The following BMP2K variants were observed in gnomAD, a reference collection of about 807,000 sequenced individuals.
BMP2K encodes the protein BMP2 inducible kinase.
In BMP2K, 74 loss-of-function variants were observed where a neutral mutation model predicts 116.0. The observed-to-expected ratio is 0.64, with a 90% CI of 0.53 to 0.77. The LOEUF (loss-of-function observed/expected upper bound fraction) is 0.77. Among genes scored for constraint, BMP2K ranks in the 30% least tolerant of loss-of-function variants. The probability of loss-of-function intolerance (pLI) is 0.00; values close to 1 mark genes in which losing one functional copy is unlikely to be tolerated. For synonymous variants in BMP2K, 486 were observed against 502.5 expected (o/e 0.97, Z 0.44); for missense variants, 1,365 against 1,403.6 (o/e 0.97, Z 0.44).
At chr4:78,796,079 G>A (rs1309253488) in intron 1 of BMP2K, among the ~76,000 whole-genome samples, 1 of 152,010 alleles carries the variant, frequency 6.6e-6, no homozygotes, top group Non-Finnish European at 1.5e-5. Context: ...CTGCTATAAA[G>A]ACACATGCAC....
At chr4:78,798,559 G>T (rs1003261295) in intron 1 of BMP2K, among the ~76,000 whole-genome samples, 1 of 152,124 alleles carries the variant, frequency 6.6e-6, no homozygotes, top group Non-Finnish European at 1.5e-5. Context: ...GACTGTTAAC[G>T]GTAGTCTTCC....
At chr4:78,854,671 C>G (rs74389148) in intron 7 of BMP2K, among the ~76,000 whole-genome samples, 1 of 152,048 alleles carries the variant, frequency 6.6e-6, no homozygotes, top group Non-Finnish European at 1.5e-5. Flanking sequence ...ACGTGTGAGC[C>G]ACTGTGACTG....
At chr4:78,779,943 TCTGTACTAAGCAGATCCCAG>T (rs1456624014) in intron 1 of BMP2K, among the ~76,000 whole-genome samples, 2 of 151,828 alleles carry the variant, frequency 1.3e-5, no homozygotes, top group Non-Finnish European at 2.9e-5. Context: ...TGTTTAGGAG[TCTGTACTAAGCAGATCCCAG>T]CTTTGGTCTG....
intron 1 of BMP2K, among the ~76,000 whole-genome samples, chr4:78,787,259 T>C (rs1297650738): frequency 1.3e-5 from 2 of 152,236 alleles, no homozygotes; most frequent in Non-Finnish European, 2.9e-5. Context: ...GTTCTGTCCA[T>C]TTTAAAATAA....
At chr4:78,856,094 A>G (rs1459837101) in intron 7 of BMP2K, among the ~76,000 whole-genome samples, 2 of 152,218 alleles carry the variant, frequency 1.3e-5, no homozygotes, top group Non-Finnish European at 2.9e-5. Flanking sequence ...GTCATGAAGT[A>G]GCAATTAATA....
At chr4:78,787,380 A>G (rs555912924) in intron 1 of BMP2K, among the ~76,000 whole-genome samples, 25 of 152,142 alleles carry the variant, frequency 1.6e-4, no homozygotes, top group Non-Finnish European at 2.8e-4. Flanking sequence ...TGTTATGGTT[A>G]TATGTATAGT....
intron 1 of BMP2K, among the ~76,000 whole-genome samples, chr4:78,808,894 G>A (rs1444685221): frequency 1.3e-5 from 2 of 152,112 alleles, no homozygotes; most frequent in Admixed American, 6.6e-5. Context: ...CCTGGAGAAC[G>A]TTCTGTGTGG....
At chr4:78,834,928 C>G (rs896954699) in intron 3 of BMP2K, among the ~76,000 whole-genome samples, 2 of 152,182 alleles carry the variant, frequency 1.3e-5, no homozygotes, top group Non-Finnish European at 2.9e-5. Flanking sequence ...CTTATCTTCT[C>G]TACTATAAAG....
In BMP2K at chr4:78,870,835, TCAGCAGCCGCCACAG is replaced by T; in HGVS notation, c.1290_1304del (p.Gln430_Gln434del). ...AAATTTTATTGGGTCAGGGACCTCC[TCAGCAGCCGCCACAG>T]CAGCATAGAGTACTCCAGCAACTAC... On this transcript the variant is annotated inframe_deletion, in exon 11 of 16. Coordinates refer to ENST00000502613, the MANE Select transcript of BMP2K (RefSeq NM_198892.2). 1 of 1,614,052 alleles carries T rather than the reference TCAGCAGCCGCCACAG, an allele frequency of 6.2e-7. No homozygotes were observed. Among genetic ancestry groups the T allele is most frequent in the South Asian group, 1.1e-5 (1 of 91,068 alleles).
At chr4:78,871,767 CATT>C in intron 11 of BMP2K, 80 bp from the exon 12 acceptor site, 1 of 811,790 alleles carries the variant, frequency 1.2e-6, no homozygotes, top group Non-Finnish European at 2.0e-6. Flanking sequence ...TTTCTCAAAT[CATT>C]ATGGTAAGAT....
intron 1 of BMP2K, among the ~76,000 whole-genome samples, chr4:78,796,531 TATA>T (rs1432446394): frequency 6.6e-6 from 1 of 152,022 alleles, no homozygotes; most frequent in South Asian, 2.1e-4. Flanking sequence ...AAACTTAAAG[TATA>T]ATAATAAAAA....
intron 1 of BMP2K, among the ~76,000 whole-genome samples, 175 bp from the exon 2 acceptor site, chr4:78,825,862 G>A (rs1474026283): frequency 6.6e-6 from 1 of 152,210 alleles, no homozygotes; most frequent in Non-Finnish European, 1.5e-5. Context: ...ACTACTTCAT[G>A]ATTGACTTAG....
intron 7 of BMP2K, among the ~76,000 whole-genome samples, chr4:78,858,472 A>G (rs565379475): frequency 7.2e-5 from 11 of 152,100 alleles, no homozygotes; most frequent in African/African-American, 2.6e-4. Flanking sequence ...AAATCAAGTT[A>G]CATGCAGAGT....
chr4:78,893,005 T>C (rs1733522392), intron 15 of BMP2K, among the ~76,000 whole-genome samples: 1 of 152,210 alleles, frequency 6.6e-6, no homozygotes, highest in South Asian at 2.1e-4. Flanking sequence ...GCAAAATCAG[T>C]GGACTCTTCA....
Position 78,864,558 on chromosome 4 carries a change from G to GT in BMP2K, c.1068-988dup, listed in dbSNP as rs11352627. 9.3e-4 allele frequency among the ~76,000 whole-genome samples: 134 copies of GT among 144,652 alleles called. 1 individual carries two copies. The highest frequency in any genetic ancestry group is 3.8e-3 in the East Asian group (19 of 5,018). 94.9% of individuals were successfully genotyped at this position (144,652 alleles called of 152,430 possible). ...CTAAGATCTTTTGATTCAGTGTCAC[G>GT]TTTTTTTTTTTGGTACCTCTTGGAA... On this transcript the variant is annotated intron_variant, in intron 9 of 15. Coordinates refer to ENST00000502613, the MANE Select transcript of BMP2K (RefSeq NM_198892.2).
At chr4:78,839,132 T>C (rs889328479) in intron 3 of BMP2K, among the ~76,000 whole-genome samples, 4 of 152,218 alleles carry the variant, frequency 2.6e-5, no homozygotes, top group Non-Finnish European at 4.4e-5. Context: ...ATCACCTGTG[T>C]ATCCATGGGC....
At chr4:78,879,154 G>A in intron 14 of BMP2K, 1 of 1,147,530 alleles carries the variant, frequency 8.7e-7, no homozygotes, top group South Asian at 3.8e-5. Context: ...ATCTATGAAT[G>A]TTAAATTCAG....
intron 13 of BMP2K, among the ~76,000 whole-genome samples, chr4:78,873,982 A>G (rs899170557): frequency 6.6e-6 from 1 of 152,114 alleles, no homozygotes; most frequent in African/African-American, 2.4e-5. Flanking sequence ...GATCAAGACC[A>G]TCCTAGCCAA....
intron 3 of BMP2K, among the ~76,000 whole-genome samples, chr4:78,838,796 C>A (rs1730616834): frequency 6.6e-6 from 1 of 152,098 alleles, no homozygotes; most frequent in African/African-American, 2.4e-5. Context: ...TCAATGTTTA[C>A]CATCATCTTC....
Sources: gnomAD v4.1 joint callset for allele counts (sites outside exome capture counted in the v4.1 genomes callset) on GRCh38, gnomAD v4.1.1 for gene constraint, MANE v1.5 for transcripts, NCBI Gene and HGNC (gene_info 2026-07-23, HGNC 2026-07-21) for gene names.